Variants in RALGPS2 observed in about 807,000 individuals in gnomAD.
RALGPS2 encodes the protein ras-specific guanine nucleotide-releasing factor RalGPS2.
A neutral mutation model predicts 86.8 loss-of-function variants in RALGPS2; 43 were observed. The ratio of observed to expected loss-of-function variants is 0.50; its 90% CI spans 0.39 to 0.64. The LOEUF is 0.64. Ranked by LOEUF, RALGPS2 falls within the 30% of genes least tolerant of loss-of-function variation. RALGPS2 has a pLI of 0.00. For missense variants in RALGPS2, 536 were observed against 694.6 expected (o/e 0.77, Z 2.57); for synonymous variants, 243 against 231.3 (o/e 1.05, Z -0.46).
At chr1:178,844,839 C>A (rs1300876811) in intron 8 of RALGPS2, among the ~76,000 whole-genome samples, 1 of 152,010 alleles carries the variant, frequency 6.6e-6, no homozygotes, top group South Asian at 2.1e-4. Context: ...TTTTTCTAAG[C>A]CTCATTTCTA....
chr1:178,878,156 T>C (rs1659077166), intron 9 of RALGPS2, among the ~76,000 whole-genome samples: 1 of 152,136 alleles, frequency 6.6e-6, no homozygotes, highest in Non-Finnish European at 1.5e-5. Context: ...CCAGTTTTTG[T>C]CCAACATGTA....
At position 178,918,564 on chromosome 1, in the gene RALGPS2, G is replaced by A. The variant is rs1660884379; in HGVS notation, c.*2205G>A. On this transcript the variant is annotated 3_prime_UTR_variant, in exon 20 of 20. Coordinates refer to ENST00000367635, the MANE Select transcript of RALGPS2 (RefSeq NM_152663.5). ...ATACTTTCGGCTCTAAACATTAATG[G>A]ATGTTTGCGTAGAGTAAGATAGCGT... The A allele has an allele frequency of 6.6e-6, 1 of 152,092 alleles. No individual in the cohort carries two copies. The highest frequency in any genetic ancestry group is 6.6e-5 in the Admixed American group (1 of 15,258). 9.4% of individuals were successfully genotyped at this position (152,092 alleles called of 1,614,324 possible). A position where few individuals can be genotyped will look rare whatever the true frequency, so the allele number is the denominator to read the frequency against.
chr1:178,791,715 A>G (rs567493941), intron 4 of RALGPS2, among the ~76,000 whole-genome samples: 10 of 152,226 alleles, frequency 6.6e-5, no homozygotes, highest in South Asian at 6.2e-4. Context: ...GGAATTCTGC[A>G]TTTTCAACTC....
intron 8 of RALGPS2, among the ~76,000 whole-genome samples, chr1:178,862,919 CAG>C (rs1658136144): frequency 6.6e-6 from 1 of 152,120 alleles, no homozygotes; most frequent in East Asian, 1.9e-4. Flanking sequence ...AGAGAGAAAA[CAG>C]AGTTACACCA....
At position 178,883,011 on chromosome 1, in the gene RALGPS2, C is replaced by A. The variant is rs113191801; in HGVS notation, c.837-455C>A. Among the ~76,000 whole-genome samples the A allele has an allele frequency of 3.3e-3, 501 of 152,292 alleles. 4 individuals are homozygous for A. The highest frequency in any genetic ancestry group is 6.1e-3 in the Admixed American group (94 of 15,296). ...CAGTGTAAGCTCTAAGTTGAATCAT[C>A]ATTTAGTCATTCATCAAATATCTTT... On this transcript the variant is annotated intron_variant, in intron 10 of 19. Transcript: ENST00000367635.
intron 19 of RALGPS2, among the ~76,000 whole-genome samples, chr1:178,912,467 A>C (rs887336258): frequency 9.2e-5 from 14 of 152,142 alleles, no homozygotes; most frequent in African/African-American, 3.4e-4. Context: ...GGGACATGAA[A>C]TTCTTAGTTG....
intron 8 of RALGPS2, among the ~76,000 whole-genome samples, chr1:178,839,571 G>C (rs927852901): frequency 6.6e-6 from 1 of 151,852 alleles, no homozygotes; most frequent in Admixed American, 6.5e-5. Flanking sequence ...CCAAATTGTA[G>C]AGACCATTGA....
intron 8 of RALGPS2, chr1:178,865,798 G>A (rs771715085): frequency 2.6e-6 from 4 of 1,522,820 alleles, no homozygotes; most frequent in South Asian, 1.3e-5. Context: ...GTTGTAAAAT[G>A]ATGTCTTTTG....
chr1:178,759,453 A>G (rs1652121145), intron 1 of RALGPS2, among the ~76,000 whole-genome samples: 3 of 150,750 alleles, frequency 2.0e-5, no homozygotes, highest in Admixed American at 2.0e-4. Context: ...TTTTTATGCC[A>G]GTACATGCTG....
chr1:178,839,343 G>A (rs896793413), intron 8 of RALGPS2, among the ~76,000 whole-genome samples: 1 of 152,216 alleles, frequency 6.6e-6, no homozygotes, highest in Non-Finnish European at 1.5e-5. Flanking sequence ...GCAGAAGAGA[G>A]TGAGGGCCAA....
At chr1:178,755,146 AT>A (rs1013514204) in intron 1 of RALGPS2, among the ~76,000 whole-genome samples, 1 of 150,618 alleles carries the variant, frequency 6.6e-6, no homozygotes, top group African/African-American at 2.4e-5. Context: ...TTTTCTTTTT[AT>A]TTTTTTCCAA....
In RALGPS2 at chr1:178,894,999, T is replaced by C. The variant is rs185053862; in HGVS notation, c.1431+975T>C. On this transcript the variant is annotated intron_variant, in intron 16 of 19. Coordinates refer to ENST00000367635, the MANE Select transcript of RALGPS2 (RefSeq NM_152663.5). ...TATCATTTTATTTAAATTCCTGTAA[T>C]ACAGTTTTGTTTTCTACATAACATA... Among the ~76,000 whole-genome samples the C allele has an allele frequency of 6.9e-3, 1,043 of 152,164 alleles. 7 individuals are homozygous for C. The highest frequency in any genetic ancestry group is 0.024 in the African/African-American group (987 of 41,534).
chr1:178,843,266 A>G (rs1451808322), intron 8 of RALGPS2, among the ~76,000 whole-genome samples: 2 of 132,434 alleles, frequency 1.5e-5, no homozygotes, highest in African/African-American at 6.0e-5. Context: ...ATGTCCAACA[A>G]TGATAGACTG....
chr1:178,914,482 T>G (rs1008606613), intron 19 of RALGPS2, among the ~76,000 whole-genome samples: 1 of 152,154 alleles, frequency 6.6e-6, no homozygotes, highest in African/African-American at 2.4e-5. Context: ...GGTTCCTAGC[T>G]TCTTCGCTCT....
intron 8 of RALGPS2, among the ~76,000 whole-genome samples, chr1:178,862,608 T>G (rs1017228176): frequency 6.6e-6 from 1 of 150,816 alleles, no homozygotes; most frequent in Non-Finnish European, 1.5e-5. Context: ...TTTATTTATT[T>G]ATTTATTTAT....
At chr1:178,738,321 G>A (rs1262673947) in intron 1 of RALGPS2, among the ~76,000 whole-genome samples, 4 of 145,736 alleles carry the variant, frequency 2.7e-5, no homozygotes, top group Non-Finnish European at 5.9e-5. Flanking sequence ...GTACTCTCCT[G>A]TCTCAGCCTC....
At chr1:178,884,929 G>A in intron 11 of RALGPS2, 147 bp from the exon 12 acceptor site, 2 of 719,808 alleles carry the variant, frequency 2.8e-6, no homozygotes, top group Non-Finnish European at 4.1e-6. Flanking sequence ...TTGTGTTTTA[G>A]GACTTAGATA....
intron 8 of RALGPS2, among the ~76,000 whole-genome samples, chr1:178,873,951 G>A (rs1572438003): frequency 6.6e-6 from 1 of 151,998 alleles, no homozygotes; most frequent in Non-Finnish European, 1.5e-5. Context: ...TACGATCTCG[G>A]CTCACTACAA....
intron 4 of RALGPS2, among the ~76,000 whole-genome samples, chr1:178,787,656 TG>T (rs1653721715): frequency 3.3e-5 from 5 of 152,304 alleles, no homozygotes; most frequent in Admixed American, 1.3e-4. Context: ...TTGGGGCATC[TG>T]ATAGTACTTT....
Sources: allele counts gnomAD v4.1 joint callset (sites outside exome capture counted in the v4.1 genomes callset), GRCh38; gene constraint gnomAD v4.1.1; transcripts MANE v1.5; gene names NCBI Gene and HGNC (gene_info 2026-07-23, HGNC 2026-07-21).